KCNU1: variants seen among roughly 807,000 people sequenced by gnomAD.
The protein encoded by KCNU1 is potassium channel subfamily U member 1.
A neutral mutation model predicts 126.8 loss-of-function variants in KCNU1; 93 were observed. The ratio of observed to expected loss-of-function variants is 0.73; its 90% CI spans 0.62 to 0.87. KCNU1 has a LOEUF of 0.87. Ranked by LOEUF, KCNU1 falls within the 40% of genes least tolerant of loss-of-function variation. KCNU1 has a pLI of 0.00. For missense variants in KCNU1, 1,330 were observed against 1,367.1 expected, an observed-to-expected ratio of 0.97 and a Z score of 0.43; for synonymous variants, 523 against 494.2, an observed-to-expected ratio of 1.06 and a Z score of -0.77.
intron 2 of KCNU1, among the ~76,000 whole-genome samples, chr8:36,788,699 C>T (rs6989810): frequency 0.27 from 41,695 of 152,002 alleles, 7,138 homozygotes; most frequent in African/African-American, 0.46. Flanking sequence ...TTCTGTCTTC[C>T]GAAGTTTTTG....
At chr8:36,834,125 CA>C (rs1804661388) in intron 11 of KCNU1, among the ~76,000 whole-genome samples, 1 of 151,998 alleles carries the variant, frequency 6.6e-6, no homozygotes, top group Admixed American at 6.6e-5. Flanking sequence ...AGTTGTGACG[CA>C]AAATAATGAG....
At chr8:36,930,462 C>A (rs1808664316) in intron 24 of KCNU1, among the ~76,000 whole-genome samples, 1 of 152,114 alleles carries the variant, frequency 6.6e-6, no homozygotes, top group Non-Finnish European at 1.5e-5. Flanking sequence ...ATATATGTCC[C>A]TAAGTAGGTC....
At chr8:36,840,705 T>C in intron 15 of KCNU1, 130 bp downstream of exon 15, 1 of 698,346 alleles carries the variant, frequency 1.4e-6, no homozygotes, top group South Asian at 1.8e-5. Context: ...CCAGGGTCCC[T>C]GAAACTTAGA....
intron 16 of KCNU1, among the ~76,000 whole-genome samples, chr8:36,841,287 C>T (rs1804948706): frequency 6.6e-6 from 1 of 152,020 alleles, no homozygotes; most frequent in African/African-American, 2.4e-5. Context: ...GAAATGGTCA[C>T]CTTCTCAAAT....
intron 2 of KCNU1, among the ~76,000 whole-genome samples, chr8:36,802,270 G>T (rs1360570216): frequency 6.6e-6 from 1 of 152,062 alleles, no homozygotes; most frequent in African/African-American, 2.4e-5. Flanking sequence ...TTTTTGGAAG[G>T]AGCTCTGCTG....
chr8:36,826,316 TCTCCTGCCTCAGC>T (rs1249778254), intron 10 of KCNU1, among the ~76,000 whole-genome samples: 2 of 151,976 alleles, frequency 1.3e-5, no homozygotes, highest in African/African-American at 4.8e-5. Context: ...TTCAAGTGAT[TCTCCTGCCTCAGC>T]CTCCCAAGTA....
rs372669804 is a variant in KCNU1 at position 36,806,381 on chromosome 8, G to T, written c.580+1G>T. ...TATTATTTGAAGAGCAATTGGCTAG[G>T]TAAGTGTGCTCTGGGAACGGGTAGC... is the stretch of plus-strand genomic sequence containing the variant. On this transcript the variant is annotated splice_donor_variant, in intron 5 of 26. Coordinates refer to ENST00000399881, the MANE Select transcript of KCNU1 (RefSeq NM_001031836.3). LOFTEE classifies it high-confidence loss of function. 5.9e-6 allele frequency: 9 copies of T among 1,521,040 alleles called. No individual in the cohort carries two copies. The highest frequency in any genetic ancestry group is 5.5e-5 in the African/African-American group (4 of 72,744). The allele number at this position is 1,521,040 out of a possible 1,614,324, so 94.2% of individuals were successfully genotyped here. A position where few individuals can be genotyped will look rare whatever the true frequency, so the allele number is the denominator to read the frequency against.
At chr8:36,889,462 C>G (rs980104896) in intron 19 of KCNU1, among the ~76,000 whole-genome samples, 1 of 151,720 alleles carries the variant, frequency 6.6e-6, no homozygotes, top group African/African-American at 2.4e-5. Flanking sequence ...GTGGAGGCAT[C>G]ACTTTTAAGG....
chr8:36,888,695 G>C (rs566944659), intron 19 of KCNU1: 2 of 534,498 alleles, frequency 3.7e-6, no homozygotes, highest in African/African-American at 1.9e-5. Context: ...TGTTGATATT[G>C]TTACAAACCA....
chr8:36,795,079 G>A (rs1803044897), intron 2 of KCNU1, among the ~76,000 whole-genome samples: 1 of 152,202 alleles, frequency 6.6e-6, no homozygotes, highest in Non-Finnish European at 1.5e-5. Context: ...GGCAGGGAGA[G>A]CTAATTCTAC....
chr8:36,808,926 AT>A, intron 7 of KCNU1, 133 bp downstream of exon 7: 1 of 623,408 alleles, frequency 1.6e-6, no homozygotes, highest in Non-Finnish European at 2.8e-6. Flanking sequence ...TCTACTTCCC[AT>A]TTTCAGGTTT....
At chr8:36,883,666 C>G (rs1444150677) in intron 19 of KCNU1, among the ~76,000 whole-genome samples, 1 of 152,148 alleles carries the variant, frequency 6.6e-6, no homozygotes, top group Non-Finnish European at 1.5e-5. Context: ...TGGCTCATGC[C>G]TGTAGTCCCA....
Position 36,935,722 on chromosome 8 carries a change from A to G in KCNU1, c.3252A>G (p.Thr1084=), listed in dbSNP as rs571528455. The G allele has an allele frequency of 2.5e-6, 4 of 1,613,002 alleles. No individual in the cohort carries two copies. Among genetic ancestry groups the G allele is most frequent in the African/African-American group, 1.3e-5 (1 of 75,020 alleles). Residue 1084 remains threonine (T), a synonymous_variant, in exon 27 of 27, where the codon ACA becomes ACG. Transcript: ENST00000399881. ...CPPTIDSVTE[T]LYSPVYSYQP... Reference sequence around the variant, plus strand: ...CCACCATTGATTCAGTTACTGAGACATTGTATTCACCAGTCTATTCTTACC... The same window carrying G: ...CCACCATTGATTCAGTTACTGAGACGTTGTATTCACCAGTCTATTCTTACC...
chr8:36,852,833 A>T (rs888279476), intron 18 of KCNU1, among the ~76,000 whole-genome samples: 1 of 152,030 alleles, frequency 6.6e-6, no homozygotes, highest in Non-Finnish European at 1.5e-5. Flanking sequence ...ACTTGCTACA[A>T]TGTTTATCTA....
At chr8:36,840,664 A>G (rs1804915984) in intron 15 of KCNU1, 89 bp downstream of exon 15, 5 of 804,394 alleles carry the variant, frequency 6.2e-6, no homozygotes, top group Admixed American at 4.4e-5. Flanking sequence ...GCCAGGCTTC[A>G]TTACAAACTG....
chr8:36,835,589 C>T (rs1448322125), intron 12 of KCNU1, among the ~76,000 whole-genome samples: 2 of 152,168 alleles, frequency 1.3e-5, no homozygotes, highest in Admixed American at 6.5e-5. Context: ...GATCTGTCCA[C>T]CTTAGCCTCC....
chr8:36,852,261 G>A lies in KCNU1; in HGVS notation c.1891+6362G>A, dbSNP rs1805377363. On this transcript the variant is annotated intron_variant, in intron 18 of 26. Transcript: ENST00000399881. ...TAGAATCTTTTTTATACATTGTTGG[G>A]TTTGATTTGCTAGCATTTTGTTGAG... 1.3e-5 allele frequency among the ~76,000 whole-genome samples: 2 copies of A among 151,974 alleles called. 1 individual carries two copies. The highest frequency in any genetic ancestry group is 4.1e-4 in the South Asian group (2 of 4,832).
At chr8:36,837,092 T>A in intron 14 of KCNU1, 147 bp downstream of exon 14, 1 of 739,186 alleles carries the variant, frequency 1.4e-6, no homozygotes, top group Non-Finnish European at 2.2e-6. Flanking sequence ...GATTAGAAGA[T>A]CTGAATTTAA....
intron 19 of KCNU1, among the ~76,000 whole-genome samples, chr8:36,891,477 T>G (rs921383028): frequency 2.0e-5 from 3 of 151,980 alleles, no homozygotes; most frequent in Non-Finnish European, 4.4e-5. Flanking sequence ...GAAGAATGGA[T>G]GGATGGATGG....
Sources: allele counts gnomAD v4.1 joint callset (sites outside exome capture counted in the v4.1 genomes callset), GRCh38; gene constraint gnomAD v4.1.1; transcripts MANE v1.5; gene names NCBI Gene and HGNC (gene_info 2026-07-23, HGNC 2026-07-21).